The following PRR16 variants were observed in gnomAD, a reference collection of about 807,000 sequenced individuals.
The protein encoded by PRR16 is proline rich 16, also known as protein Largen.
A neutral mutation model predicts 18.2 loss-of-function variants in PRR16; 6 were observed. The ratio of observed to expected loss-of-function variants is 0.33; its 90% CI spans 0.18 to 0.65. The LOEUF (loss-of-function observed/expected upper bound fraction) is 0.65. PRR16 is among the 30% of genes least tolerant of loss of function. The pLI, the probability that PRR16 is intolerant of heterozygous loss-of-function variation, is 0.74. For missense variants in PRR16, 412 were observed against 376.6 expected (o/e 1.09, Z -0.78); for synonymous variants, 151 against 147.8 (o/e 1.02, Z -0.16).
intron 1 of PRR16, among the ~76,000 whole-genome samples, chr5:120,634,090 C>T (rs976385997): frequency 2.0e-5 from 3 of 152,036 alleles, no homozygotes; most frequent in African/African-American, 4.8e-5. Flanking sequence ...TCTCAGATCA[C>T]GGTGAAATAA....
intron 1 of PRR16, among the ~76,000 whole-genome samples, chr5:120,558,516 A>G (rs997862680): frequency 6.6e-5 from 10 of 152,004 alleles, no homozygotes; most frequent in Non-Finnish European, 1.2e-4. Context: ...TCCGTTGTGT[A>G]TAAGTACCAC....
downstream of PRR16, among the ~76,000 whole-genome samples, chr5:120,690,257 T>G (rs939886260): frequency 2.6e-4 from 40 of 152,170 alleles, no homozygotes; most frequent in Non-Finnish European, 5.7e-4. Flanking sequence ...ATAGCTCTTT[T>G]TGGGTGCTCT....
the PRR16 span, among the ~76,000 whole-genome samples, chr5:120,705,874 G>A: frequency 3.4e-3 from 515 of 152,194 alleles, 21 homozygotes; most frequent in East Asian, 0.081. Flanking sequence ...TGTAACACAA[G>A]AGACCCTAAA....
chr5:120,490,316 G>C lies in PRR16; in HGVS notation c.159+25671G>C, dbSNP rs1199415179. ...ATCGGATGTAGATTTGGTCGTTTCA[G>C]ATAGTCCCATATTTCTTGGAGGCTT... On this transcript the variant is annotated intron_variant, in intron 1 of 1. Coordinates refer to ENST00000407149, the MANE Select transcript of PRR16 (RefSeq NM_001300783.2). Among the ~76,000 whole-genome samples the C allele has an allele frequency of 5.3e-5, 8 of 152,220 alleles. No individual in the cohort carries two copies. In the South Asian group the frequency reaches 8.3e-4, roughly 16 times the overall value.
At chr5:120,787,241 ATAAC>A in the PRR16 span, among the ~76,000 whole-genome samples, 718 of 152,266 alleles carry the variant, frequency 4.7e-3, 4 homozygotes, top group African/African-American at 0.016. Flanking sequence ...TGTGTATTTT[ATAAC>A]TAACAATAAT....
At chr5:120,524,434 A>C (rs150832634) in intron 1 of PRR16, among the ~76,000 whole-genome samples, 180 of 152,254 alleles carry the variant, frequency 1.2e-3, no homozygotes, top group African/African-American at 4.1e-3. Flanking sequence ...TAGGAAATGC[A>C]GATACACATT....
chr5:120,497,816 T>C (rs1580650082), intron 1 of PRR16, among the ~76,000 whole-genome samples: 1 of 151,300 alleles, frequency 6.6e-6, no homozygotes, highest in African/African-American at 2.4e-5. Context: ...CATAACATTA[T>C]ATATATTTTT....
intron 1 of PRR16, among the ~76,000 whole-genome samples, chr5:120,487,602 A>T (rs1268155965): frequency 6.6e-6 from 1 of 152,140 alleles, no homozygotes; most frequent in Admixed American, 6.6e-5. Context: ...AACAGGGACA[A>T]TTTGACTTCC....
At chr5:120,541,906 T>A (rs547815552) in intron 1 of PRR16, among the ~76,000 whole-genome samples, 1 of 152,050 alleles carries the variant, frequency 6.6e-6, no homozygotes, top group Non-Finnish European at 1.5e-5. Flanking sequence ...CAGGCAGAAT[T>A]TACCCCCTTC....
intron 1 of PRR16, among the ~76,000 whole-genome samples, chr5:120,650,999 G>A (rs1344373107): frequency 6.6e-6 from 1 of 152,112 alleles, no homozygotes; most frequent in Non-Finnish European, 1.5e-5. Context: ...GTTGTTTCCT[G>A]ACTTTTGAAT....
chr5:120,558,824 T>A (rs1290915238), intron 1 of PRR16, among the ~76,000 whole-genome samples: 4 of 151,928 alleles, frequency 2.6e-5, no homozygotes, highest in Non-Finnish European at 5.9e-5. Context: ...TGCTTGCCTT[T>A]GGATAAAACC....
chr5:120,683,149 G>A (rs1757022729), intron 1 of PRR16, among the ~76,000 whole-genome samples: 1 of 152,066 alleles, frequency 6.6e-6, no homozygotes, highest in Non-Finnish European at 1.5e-5. Flanking sequence ...AGGAGCATGA[G>A]ACAATGACTA....
intron 1 of PRR16, chr5:120,531,663 G>A (rs1196944970): frequency 1.3e-5 from 2 of 152,026 alleles, no homozygotes; most frequent in Non-Finnish European, 2.9e-5. Flanking sequence ...CTTTGTTTTT[G>A]ACGTTTTGCC....
intron 1 of PRR16, among the ~76,000 whole-genome samples, chr5:120,579,718 A>T (rs1469602744): frequency 6.6e-6 from 1 of 152,138 alleles, no homozygotes; most frequent in Non-Finnish European, 1.5e-5. Context: ...TCTTGGCTGT[A>T]TGGGGCCTTC....
the PRR16 span, among the ~76,000 whole-genome samples, chr5:120,756,028 CTGAT>C: frequency 3.3e-5 from 5 of 152,048 alleles, no homozygotes; most frequent in African/African-American, 1.2e-4. Context: ...TGCAACTAGT[CTGAT>C]TGGTTGTGGA....
At chr5:120,581,290 T>G (rs2112755177) in intron 1 of PRR16, among the ~76,000 whole-genome samples, 1 of 152,318 alleles carries the variant, frequency 6.6e-6, no homozygotes, top group South Asian at 2.1e-4. Flanking sequence ...TTCTTCTAGA[T>G]TTTCCGGTTT....
intron 1 of PRR16, among the ~76,000 whole-genome samples, chr5:120,584,572 C>G (rs1192663021): frequency 6.6e-6 from 1 of 151,802 alleles, no homozygotes; most frequent in Non-Finnish European, 1.5e-5. Flanking sequence ...ATTCTGTTCC[C>G]CAGGCATTTT....
chr5:120,704,206 A>C, the PRR16 span, among the ~76,000 whole-genome samples: 19 of 152,314 alleles, frequency 1.2e-4, no homozygotes, highest in Admixed American at 9.2e-4. Context: ...GACAAAAGAC[A>C]CTTCTAGATT....
At chr5:120,581,755 A>C (rs575560571) in intron 1 of PRR16, among the ~76,000 whole-genome samples, 1 of 151,918 alleles carries the variant, frequency 6.6e-6, no homozygotes, top group Non-Finnish European at 1.5e-5. Context: ...CTTGATTTCT[A>C]CCTTAATTTT....
Sources: gnomAD v4.1 joint callset for allele counts (sites outside exome capture counted in the v4.1 genomes callset) on GRCh38, gnomAD v4.1.1 for gene constraint, MANE v1.5 for transcripts, NCBI Gene and HGNC (gene_info 2026-07-23, HGNC 2026-07-21) for gene names.